PDE7B: variants seen among roughly 807,000 people sequenced by gnomAD.
The protein encoded by PDE7B is phosphodiesterase 7B.
PDE7B carries 29 observed loss-of-function variants against 56.2 expected under a neutral mutation model. The ratio of observed to expected loss-of-function variants is 0.52; its 90% confidence interval spans 0.38 to 0.70. PDE7B has a LOEUF of 0.70. Ranked by LOEUF, PDE7B falls within the 30% of genes least tolerant of loss-of-function variation. PDE7B has a pLI of 0.00. For missense variants in PDE7B, 490 were observed against 565.0 expected (o/e 0.87, Z 1.35); for synonymous variants, 197 against 196.9 (o/e 1.00, Z 0.00).
At chr6:136,107,991 G>C (rs113166887) in intron 2 of PDE7B, among the ~76,000 whole-genome samples, 2 of 152,066 alleles carry the variant, frequency 1.3e-5, no homozygotes, top group Non-Finnish European at 2.9e-5. Flanking sequence ...GCTAGGCATA[G>C]TGGCGTGTGC....
intron 1 of PDE7B, among the ~76,000 whole-genome samples, chr6:135,898,912 G>A (rs903454939): frequency 6.6e-6 from 1 of 152,108 alleles, no homozygotes; most frequent in Non-Finnish European, 1.5e-5. Flanking sequence ...GATATGGTTT[G>A]GCTGTGTCCC....
intron 2 of PDE7B, chr6:136,034,541 A>C (rs1004961870): frequency 6.6e-5 from 10 of 152,184 alleles, no homozygotes; most frequent in African/African-American, 2.4e-4. Flanking sequence ...GGCAGCTTGT[A>C]ATAGTTTCCA....
At chr6:136,067,046 G>C (rs1470306995) in intron 2 of PDE7B, among the ~76,000 whole-genome samples, 2 of 151,810 alleles carry the variant, frequency 1.3e-5, no homozygotes, top group Non-Finnish European at 2.9e-5. Context: ...ATAGAGATAG[G>C]GTCTTGCTAT....
chr6:136,139,778 G>A (rs1000226988), intron 3 of PDE7B, among the ~76,000 whole-genome samples: 7 of 152,312 alleles, frequency 4.6e-5, no homozygotes, highest in Admixed American at 3.3e-4. Context: ...CTTTTGAGAA[G>A]TGTCTGTTCA....
intron 2 of PDE7B, among the ~76,000 whole-genome samples, chr6:136,020,341 T>A (rs1380855141): frequency 6.6e-6 from 1 of 152,228 alleles, no homozygotes; most frequent in African/African-American, 2.4e-5. Flanking sequence ...CTGCATAATC[T>A]TATTAAAGCT....
chr6:135,995,828 T>A (rs895845534), intron 2 of PDE7B, among the ~76,000 whole-genome samples: 20 of 152,134 alleles, frequency 1.3e-4, no homozygotes, highest in Admixed American at 3.9e-4. Context: ...TGGAACTACA[T>A]TAAAATAAAA....
chr6:136,029,150 A>G lies in PDE7B; in HGVS notation c.83-79581A>G, dbSNP rs377747949. On this transcript the variant is annotated intron_variant, in intron 2 of 12. Transcript: ENST00000308191. The stretch of plus-strand genomic sequence containing the variant: ...TTCATGTTACATGTTTGAAAATGAC[A>G]TGATTATAAATTATGTTCAATCCAG... Among the ~76,000 whole-genome samples, 20 of 152,356 alleles carry G rather than the reference A, an allele frequency of 1.3e-4. 1 individual carries two copies. The highest frequency in any genetic ancestry group is 8.3e-4 in the South Asian group (4 of 4,828).
At chr6:136,012,079 C>T (rs1381268378) in intron 2 of PDE7B, among the ~76,000 whole-genome samples, 2 of 152,074 alleles carry the variant, frequency 1.3e-5, no homozygotes, top group Non-Finnish European at 2.9e-5. Flanking sequence ...CTTCCTTGTT[C>T]TACTTGCCCT....
intron 2 of PDE7B, among the ~76,000 whole-genome samples, chr6:135,950,923 C>T (rs567984328): frequency 4.6e-5 from 7 of 152,214 alleles, no homozygotes; most frequent in East Asian, 1.9e-4. Context: ...TACTCTGGTG[C>T]GCCGGATTCA....
chr6:135,909,808 G>GT (rs1404578097), intron 1 of PDE7B, among the ~76,000 whole-genome samples: 1 of 152,188 alleles, frequency 6.6e-6, no homozygotes, highest in Non-Finnish European at 1.5e-5. Flanking sequence ...CCAGAGCCCA[G>GT]TGCTGGTGGA....
At chr6:135,912,174 A>G (rs573934383) in intron 1 of PDE7B, among the ~76,000 whole-genome samples, 6 of 152,226 alleles carry the variant, frequency 3.9e-5, no homozygotes, top group Non-Finnish European at 7.3e-5. Context: ...GTTGCTATAC[A>G]TTAAGAGTTT....
At chr6:135,869,807 A>T (rs1404047999) in intron 1 of PDE7B, among the ~76,000 whole-genome samples, 3 of 152,182 alleles carry the variant, frequency 2.0e-5, no homozygotes, top group Non-Finnish European at 4.4e-5. Flanking sequence ...GGCAGAGGAG[A>T]GAGCAAGAGC....
intron 1 of PDE7B, among the ~76,000 whole-genome samples, chr6:135,859,865 G>T (rs1445480731): frequency 6.6e-6 from 1 of 151,840 alleles, no homozygotes; most frequent in African/African-American, 2.4e-5. Context: ...TGGCAATAAT[G>T]AGTAATAATT....
intron 10 of PDE7B, among the ~76,000 whole-genome samples, chr6:136,180,440 C>A (rs1011378206): frequency 1.6e-4 from 24 of 152,172 alleles, no homozygotes; most frequent in East Asian, 3.9e-4. Context: ...TGTACTGGTA[C>A]CCCCACTAAC....
At chr6:135,910,119 G>T (rs1029337897) in intron 1 of PDE7B, among the ~76,000 whole-genome samples, 1 of 152,198 alleles carries the variant, frequency 6.6e-6, no homozygotes, top group African/African-American at 2.4e-5. Flanking sequence ...AATGATGTCT[G>T]ACATGCGATA....
Position 136,054,923 on chromosome 6 carries a change from C to T in PDE7B, c.83-53808C>T, listed in dbSNP as rs185982347. On this transcript the variant is annotated intron_variant, in intron 2 of 12. Transcript: ENST00000308191. ...ATCCCATGATACTTATTCACTATCA[C>T]GAGAAGAACACAGGAAATACCTGCC... is the stretch of plus-strand genomic sequence containing the variant. 2.8e-3 allele frequency among the ~76,000 whole-genome samples: 420 copies of T among 152,274 alleles called. 1 individual carries two copies. Among genetic ancestry groups the T allele is most frequent in the Non-Finnish European group, 4.4e-3 (298 of 68,004 alleles).
rs192469705 is a variant in PDE7B, at chr6:136,113,349, C to T, written c.166+4535C>T. ...GGAATAAAGATTAGAAAATCATTTT[C>T]ATAAGAGATTCATCTAGATCAATAG... On this transcript the variant is annotated intron_variant, in intron 3 of 12. Coordinates refer to ENST00000308191, the MANE Select transcript of PDE7B (RefSeq NM_018945.4). 5.3e-5 allele frequency among the ~76,000 whole-genome samples: 8 copies of T among 152,222 alleles called. 1 individual carries two copies. Among genetic ancestry groups the T allele is most frequent in the African/African-American group, 1.9e-4 (8 of 41,536 alleles).
rs758896716 is a variant in PDE7B at position 136,191,761 on chromosome 6, G to A, written c.1274G>A (p.Gly425Asp). The part of the protein sequence containing the change: ...SLLPRQHRSR[G>D]SSGSGPDHDH... ...TTGCCCAGGCAGCACAGAAGCAGGG[G>A]CAGCAGTGGCAGCGGGCCTGACCAC... Residue 425 changes from glycine (G) to aspartate (D), a missense_variant, in exon 13 of 13, where the codon GGC becomes GAC. Gly to Asp is a moderately conservative substitution (Grantham distance 94). Coordinates refer to ENST00000308191, the MANE Select transcript of PDE7B (RefSeq NM_018945.4). 51 of 1,591,760 alleles carry A rather than the reference G, an allele frequency of 3.2e-5. 2 individuals carry two copies. The South Asian group carries it at 5.4e-4, about 17-fold the overall frequency.
At position 135,868,350 on chromosome 6, in the gene PDE7B, AT is replaced by A. The variant is rs1239443557; in HGVS notation, c.21+16336del. 2.0e-5 allele frequency among the ~76,000 whole-genome samples: 3 copies of A among 152,020 alleles called. No homozygotes were observed. In the East Asian group the frequency reaches 5.8e-4, roughly 29 times the overall value. On this transcript the variant is annotated intron_variant, in intron 1 of 12. Transcript: ENST00000308191. Reference sequence around the variant, plus strand: ...CCTCTGGTCGAGCTAATGGTTAAATATTTTTACTATCACCATCACCCCCACT... The same window carrying A: ...CCTCTGGTCGAGCTAATGGTTAAATATTTTACTATCACCATCACCCCCACT...
Sources: gnomAD v4.1 joint callset for allele counts (sites outside exome capture counted in the v4.1 genomes callset) on GRCh38, gnomAD v4.1.1 for gene constraint, MANE v1.5 for transcripts, NCBI Gene and HGNC (gene_info 2026-07-23, HGNC 2026-07-21) for gene names.